CHCHD5: variants seen among roughly 807,000 people sequenced by gnomAD.
CHCHD5 encodes the protein coiled-coil-helix-coiled-coil-helix domain containing 5, also known as coiled-coil-helix-coiled-coil-helix domain-containing protein 5.
CHCHD5 carries 10 observed loss-of-function variants against 16.0 expected under a neutral mutation model. The ratio of observed to expected loss-of-function variants is 0.63; its 90% CI spans 0.39 to 1.06. The LOEUF (loss-of-function observed/expected upper bound fraction) is 1.06, where lower values mean the gene tolerates loss of function less well. CHCHD5 is among the 50% of genes least tolerant of loss of function. The probability of loss-of-function intolerance (pLI) is 0.01; values close to 1 mark genes in which losing one functional copy is unlikely to be tolerated. For synonymous variants in CHCHD5, 55 were observed against 56.3 expected (o/e 0.98, Z 0.10); for missense variants, 163 against 153.4 (o/e 1.06, Z -0.33).
Position 112,585,980 on chromosome 2 carries a change from G to A in CHCHD5, c.9G>A (p.Ala3=), listed in dbSNP as rs201426009. MQ[A]ALEVTARYCG... is the part of the protein sequence containing the mutation. ...AGCCCATCCTGTCCCACAGGCAGGCGGCCCTAGAGGTCACCGCTCGCTACT... is the reference window on the plus strand; with the variant it reads ...AGCCCATCCTGTCCCACAGGCAGGCAGCCCTAGAGGTCACCGCTCGCTACT... The change falls in exon 2 of 4, where the codon GCG becomes GCA. Residue 3 remains alanine (A), a synonymous_variant. Coordinates refer to ENST00000324913, the MANE Select transcript of CHCHD5 (RefSeq NM_032309.4). The A allele has an allele frequency of 1.9e-5, 30 of 1,613,214 alleles. No homozygotes were observed. The highest frequency in any genetic ancestry group is 4.4e-5 in the South Asian group (4 of 91,056).
intron 3 of CHCHD5, 168 bp from the exon 4 acceptor site, chr2:112,588,698 T>G (rs1348309143): frequency 1.2e-5 from 7 of 588,988 alleles, no homozygotes; most frequent in Non-Finnish European, 1.8e-5. Context: ...CCCATGACAC[T>G]TCACCACAGC....
At chr2:112,584,948 T>TA (rs2104600380) in intron 1 of CHCHD5, 1 of 521,488 alleles carries the variant, frequency 1.9e-6, no homozygotes, top group Admixed American at 3.2e-5. Flanking sequence ...ATCCTAAGAC[T>TA]ACAGACTTAT....
In CHCHD5 at chr2:112,588,930, C is replaced by T. The variant is rs1021704354; in HGVS notation, c.*41C>T. ...CAGGAAAACTGGACATGAATGACTG[C>T]CCCCACGCCCCTCCCCTGCAGAGTG... is the stretch of plus-strand genomic sequence containing the variant. On this transcript the variant is annotated 3_prime_UTR_variant, in exon 4 of 4. Transcript: ENST00000324913. The T allele has an allele frequency of 9.4e-6, 14 of 1,485,912 alleles. No homozygotes were observed. The highest frequency in any genetic ancestry group is 1.7e-4 in the Middle Eastern group (1 of 5,844). 92.0% of individuals were successfully genotyped at this position (1,485,912 alleles called of 1,614,324 possible). A position where few individuals can be genotyped will look rare whatever the true frequency, so the allele number is the denominator to read the frequency against.
intron 1 of CHCHD5, 119 bp from the exon 2 acceptor site, chr2:112,585,855 G>A (rs1161995147): frequency 8.9e-7 from 1 of 1,124,254 alleles, no homozygotes; most frequent in East Asian, 2.6e-5. Context: ...CTATGATCGT[G>A]CCACTGCACT....
At chr2:112,584,983 C>G in intron 1 of CHCHD5, 1 of 421,204 alleles carries the variant, frequency 2.4e-6, no homozygotes, top group South Asian at 3.9e-5. Context: ...GACTCCTACA[C>G]CCATCCTCAG....
In CHCHD5 at chr2:112,584,931, C is replaced by T. The variant is rs1052325282; in HGVS notation, c.2+282C>T. The T allele has an allele frequency of 5.3e-5, 29 of 548,654 alleles. No homozygotes were observed. The Admixed American group carries it at 7.7e-4, about 15-fold the overall frequency. 34.0% of individuals were successfully genotyped at this position (548,654 alleles called of 1,614,324 possible). ...CCCAGTACCCCAGGTCCGGCCTTCA[C>T]ACTGAAATCCTAAGACTACAGACTT... On this transcript the variant is annotated intron_variant, in intron 1 of 3. Coordinates refer to ENST00000324913, the MANE Select transcript of CHCHD5 (RefSeq NM_032309.4).
intron 1 of CHCHD5, 98 bp from the exon 2 acceptor site, chr2:112,585,876 C>A: frequency 7.2e-7 from 1 of 1,382,160 alleles, no homozygotes; most frequent in Non-Finnish European, 9.7e-7. Context: ...CCAGCCTGGG[C>A]CACAGTGAGA....
upstream of CHCHD5, chr2:112,584,488 T>G (rs1574148465): frequency 3.7e-6 from 3 of 810,672 alleles, no homozygotes; most frequent in Non-Finnish European, 4.0e-6. Flanking sequence ...GAAGAAGAGG[T>G]AGGGCGCCGC....
chr2:112,586,773 T>C (rs1192870596), intron 3 of CHCHD5: 7 of 575,334 alleles, frequency 1.2e-5, no homozygotes, highest in Non-Finnish European at 2.1e-5. Flanking sequence ...CTAGGCTGAC[T>C]TCATCTGCCT....
At position 112,586,299 on chromosome 2, in the gene CHCHD5, G is replaced by A. The variant is rs763201336; in HGVS notation, c.243G>A (p.Glu81=). The A allele has an allele frequency of 1.2e-6, 2 of 1,614,264 alleles. No individual in the cohort carries two copies. Among genetic ancestry groups the A allele is most frequent in the South Asian group, 2.2e-5 (2 of 91,092 alleles). Residue 81 remains glutamate (E), a synonymous_variant, in exon 3 of 4, where the codon GAG becomes GAA. Coordinates refer to ENST00000324913, the MANE Select transcript of CHCHD5 (RefSeq NM_032309.4). ...QNEAAVGNCA[E]HMRRFLQCAE... is the part of the protein sequence containing the mutation. ...AGGCAGCTGTGGGCAACTGTGCAGA[G>A]CATATGCGCCGCTTCCTGCAGTGCG...
At chr2:112,584,991 C>T in intron 1 of CHCHD5, 1 of 347,010 alleles carries the variant, frequency 2.9e-6, no homozygotes, top group South Asian at 5.6e-5. Context: ...CACCCATCCT[C>T]AGAGCTCCAG....
At position 112,586,345 on chromosome 2, in the gene CHCHD5, C is replaced by T. The variant is rs367672047; in HGVS notation, c.289C>T (p.Arg97Cys). ...LQCAEQVQPP[R>C]SPATVEAQPL... is the part of the protein sequence containing the mutation. ...GTGCGCTGAGCAGGTGCAGCCGCCA[C>T]GCTCACCTGCAACTGTGGAGGTAAG... Residue 97 changes from arginine to cysteine, a missense_variant, in exon 3 of 4, where the codon CGC (arginine) becomes TGC (cysteine). Physicochemically the swap from Arg to Cys is radical, Grantham distance 180. Transcript: ENST00000324913. 4.3e-6 allele frequency: 7 copies of T among 1,614,138 alleles called. No individual in the cohort carries two copies. The highest frequency in any genetic ancestry group is 1.7e-5 in the Admixed American group (1 of 60,014).
chr2:112,585,417 C>T (rs536864441), intron 1 of CHCHD5, among the ~76,000 whole-genome samples: 2 of 152,162 alleles, frequency 1.3e-5, no homozygotes, highest in Admixed American at 6.5e-5. Flanking sequence ...CTTCTAGGAC[C>T]CTGAAGGCCT....
chr2:112,588,845 G>GTTGATGTAC, intron 3 of CHCHD5, 21 bp from the exon 4 acceptor site: 1 of 1,605,930 alleles, frequency 6.2e-7, no homozygotes, highest in Non-Finnish European at 8.5e-7. Context: ...GCTACTAGAT[G>GTTGATGTAC]TTGATGTACT....
In CHCHD5 at chr2:112,585,983, C is replaced by T. The variant is rs1685200378; in HGVS notation, c.12C>T (p.Ala4=). The T allele has an allele frequency of 6.2e-7, 1 of 1,614,110 alleles. No homozygotes were observed. Among genetic ancestry groups the T allele is most frequent in the East Asian group, 2.2e-5 (1 of 44,888 alleles). Residue 4 remains alanine (A), a synonymous_variant, in exon 2 of 4, where the codon GCC becomes GCT. Coordinates refer to ENST00000324913, the MANE Select transcript of CHCHD5 (RefSeq NM_032309.4). MQA[A]LEVTARYCGR... ...CCATCCTGTCCCACAGGCAGGCGGC[C>T]CTAGAGGTCACCGCTCGCTACTGTG...
intron 1 of CHCHD5, 121 bp downstream of exon 1, chr2:112,584,770 C>T: frequency 1.6e-6 from 2 of 1,238,824 alleles, no homozygotes; most frequent in Middle Eastern, 1.9e-4. Context: ...GGAGATCTGA[C>T]CCTCAGGATT....
rs1318625540 is a variant in CHCHD5, at chr2:112,586,449, G to A, written c.309+84G>A. 2.5e-6 allele frequency: 4 copies of A among 1,590,092 alleles called. No homozygotes were observed. In the East Asian group the frequency reaches 6.9e-5, roughly 27 times the overall value. On this transcript the variant is annotated intron_variant, in intron 3 of 3. Transcript: ENST00000324913. ...GGTTGTTCAGGGTAAAGACTTTGGAGTCATCCTCAGCCCCACCCCATCACC... is the reference window on the plus strand; with the variant it reads ...GGTTGTTCAGGGTAAAGACTTTGGAATCATCCTCAGCCCCACCCCATCACC...
chr2:112,586,531 T>C lies in CHCHD5; in HGVS notation c.309+166T>C, dbSNP rs190745289. ...GAACATCATCACTTCTTGCCCCATA[T>C]AGCCCCTGCTTTAATCCACCACCAC... On this transcript the variant is annotated intron_variant, in intron 3 of 3. Coordinates refer to ENST00000324913, the MANE Select transcript of CHCHD5 (RefSeq NM_032309.4). The C allele has an allele frequency of 7.1e-6, 11 of 1,544,966 alleles. No individual in the cohort carries two copies. In the South Asian group the frequency reaches 1.2e-4, roughly 17 times the overall value.
At chr2:112,584,967 C>T (rs1574149221) in intron 1 of CHCHD5, 1 of 481,462 alleles carries the variant, frequency 2.1e-6, no homozygotes, top group African/African-American at 1.9e-5. Flanking sequence ...ATTTAGGGAC[C>T]TCTATGACTC....
Sources: allele counts gnomAD v4.1 joint callset (sites outside exome capture counted in the v4.1 genomes callset), GRCh38; gene constraint gnomAD v4.1.1; transcripts MANE v1.5; gene names NCBI Gene and HGNC (gene_info 2026-07-23, HGNC 2026-07-21).